The following SPHKAP variants were observed in gnomAD, a reference collection of about 807,000 sequenced individuals.
SPHKAP encodes SPHK1 interactor, AKAP domain containing.
Under a neutral mutation model 137.5 loss-of-function variants are expected in SPHKAP, and 67 were observed. That is an observed-to-expected ratio of 0.49 (90% CI 0.40 to 0.60). SPHKAP has a LOEUF of 0.60. Among genes scored for constraint, SPHKAP ranks in the 20% least tolerant of loss-of-function variants. The pLI is 0.00. For missense variants in SPHKAP, 2,097 were observed against 2,069.3 expected, an observed-to-expected ratio of 1.01 and a Z score of -0.26; for synonymous variants, 813 against 785.3, an observed-to-expected ratio of 1.04 and a Z score of -0.59.
At chr2:228,114,000 AG>A (rs903398464) in intron 2 of SPHKAP, among the ~76,000 whole-genome samples, 1 of 152,186 alleles carries the variant, frequency 6.6e-6, no homozygotes, top group African/African-American at 2.4e-5. Flanking sequence ...GAATGCTTGA[AG>A]GAAGAATATG....
intron 7 of SPHKAP, among the ~76,000 whole-genome samples, chr2:228,010,806 C>T (rs181873839): frequency 2.4e-4 from 36 of 152,140 alleles, no homozygotes; most frequent in African/African-American, 7.5e-4. Flanking sequence ...TTTTGTATGT[C>T]TCATTTTTTC....
chr2:228,027,689 CG>C, intron 3 of SPHKAP, 146 bp from the exon 4 acceptor site: 1 of 812,116 alleles, frequency 1.2e-6, no homozygotes, highest in Non-Finnish European at 1.9e-6. Context: ...CATTTCAGGG[CG>C]GGCGCAGTGG....
chr2:228,089,583 T>G (rs954971187), intron 3 of SPHKAP, among the ~76,000 whole-genome samples: 10 of 152,172 alleles, frequency 6.6e-5, no homozygotes, highest in African/African-American at 1.9e-4. Context: ...AAAAAATGCC[T>G]TGAAGCAATT....
At chr2:227,995,392 T>G (rs1222488110) in intron 8 of SPHKAP, 117 bp downstream of exon 8, 1 of 1,306,010 alleles carries the variant, frequency 7.7e-7, no homozygotes, top group Non-Finnish European at 1.1e-6. Context: ...GAACTTTCCT[T>G]TTTTTGTTCT....
chr2:228,150,667 C>G (rs1016497045), intron 1 of SPHKAP, among the ~76,000 whole-genome samples: 2 of 151,346 alleles, frequency 1.3e-5, no homozygotes, highest in Non-Finnish European at 2.9e-5. Flanking sequence ...TTCTACCCCT[C>G]TTTTAAAATT....
At chr2:228,121,725 A>G (rs1177168434) in intron 2 of SPHKAP, among the ~76,000 whole-genome samples, 1 of 152,182 alleles carries the variant, frequency 6.6e-6, no homozygotes, top group East Asian at 1.9e-4. Context: ...CTCAAAAGGC[A>G]GAGATGTGCC....
intron 1 of SPHKAP, among the ~76,000 whole-genome samples, chr2:228,154,223 T>C (rs1700024916): frequency 6.6e-6 from 1 of 151,892 alleles, no homozygotes; most frequent in Admixed American, 6.6e-5. Flanking sequence ...ACTGTAATGT[T>C]TAAAGACATT....
At chr2:228,080,607 T>C (rs1697330521) in intron 3 of SPHKAP, among the ~76,000 whole-genome samples, 1 of 152,082 alleles carries the variant, frequency 6.6e-6, no homozygotes, top group African/African-American at 2.4e-5. Context: ...CTCAGGAGGC[T>C]GAGGCAGGAG....
chr2:228,157,827 A>G (rs1700150838), intron 1 of SPHKAP, among the ~76,000 whole-genome samples: 1 of 152,192 alleles, frequency 6.6e-6, no homozygotes, highest in African/African-American at 2.4e-5. Flanking sequence ...TTAGGTGGCC[A>G]CAGAGGTGTA....
intron 11 of SPHKAP, among the ~76,000 whole-genome samples, chr2:227,990,398 A>C (rs1693370880): frequency 6.6e-6 from 1 of 152,176 alleles, no homozygotes; most frequent in Non-Finnish European, 1.5e-5. Context: ...ACATTGGGAG[A>C]CAGATTCATG....
At chr2:227,994,314 A>G (rs1693541398) in intron 8 of SPHKAP, among the ~76,000 whole-genome samples, 1 of 152,204 alleles carries the variant, frequency 6.6e-6, no homozygotes, top group East Asian at 1.9e-4. Flanking sequence ...CACAGTCAAC[A>G]TATGGTCTAG....
At chr2:228,079,447 C>T (rs912619808) in intron 3 of SPHKAP, among the ~76,000 whole-genome samples, 2 of 152,182 alleles carry the variant, frequency 1.3e-5, no homozygotes, top group Non-Finnish European at 2.9e-5. Flanking sequence ...CTCCAGTAGA[C>T]CCTAGTGGCA....
intron 2 of SPHKAP, among the ~76,000 whole-genome samples, chr2:228,122,607 T>C (rs965486179): frequency 6.6e-6 from 1 of 152,206 alleles, no homozygotes; most frequent in Admixed American, 6.5e-5. Context: ...GAGGATGAGC[T>C]GTCCATGCAA....
Position 228,131,965 on chromosome 2 carries a change from G to T in SPHKAP, c.138+15C>A. ...GTTCAACTGACAAGAAGAAAGTGGC[G>T]TAAGGCAAGGTTACCTTCTTACAGG... On this transcript the variant is annotated intron_variant, in intron 2 of 11. Transcript: ENST00000392056. 1.2e-5 allele frequency: 20 copies of T among 1,611,564 alleles called. No individual in the cohort carries two copies. Among genetic ancestry groups the T allele is most frequent in the Non-Finnish European group, 1.6e-5 (19 of 1,177,980 alleles).
rs765206303 is a variant in SPHKAP at position 228,020,144 on chromosome 2, A to G, written c.710T>C (p.Ile237Thr). The change falls in exon 7 of 12, where the codon ATA (isoleucine) becomes ACA (threonine). Residue 237 changes from isoleucine to threonine, a missense_variant. By Grantham distance (89) the Ile-to-Thr change is moderately conservative. Transcript: ENST00000392056. Reference sequence around the variant, plus strand: ...TTCCAAAACATTGGCTGAGACATTTATATTTTCATAATCTAGTGAGGAGAA... The same window carrying G: ...TTCCAAAACATTGGCTGAGACATTTGTATTTTCATAATCTAGTGAGGAGAA... ...VDESRNDYEN[I>T]NVSANVLESK... 3.8e-5 allele frequency: 60 copies of G among 1,599,140 alleles called. No individual in the cohort carries two copies. Among genetic ancestry groups the G allele is most frequent in the Non-Finnish European group, 4.9e-5 (58 of 1,174,956 alleles).
At chr2:228,116,003 G>T (rs774129448) in intron 2 of SPHKAP, among the ~76,000 whole-genome samples, 6 of 152,234 alleles carry the variant, frequency 3.9e-5, no homozygotes, top group Middle Eastern at 3.4e-3. Flanking sequence ...TGGCAAAAAG[G>T]CACCATCTAT....
In SPHKAP at chr2:227,991,117, G is replaced by A; in HGVS notation, c.4842C>T (p.Asp1614=). 6.2e-7 allele frequency: 1 copy of A among 1,614,076 alleles called. No homozygotes were observed. Among genetic ancestry groups the A allele is most frequent in the Non-Finnish European group, 8.5e-7 (1 of 1,180,008 alleles). Residue 1614 remains aspartate (D), a synonymous_variant, in exon 11 of 12, where the codon GAC becomes GAT. Transcript: ENST00000392056. ...PQRSLLVINF[D]LEPECPDAEL... ...CGGCATCTGGACACTCTGGCTCCAG[G>A]TCAAAGTTGATCACCAGCAGGCTCC... is the stretch of plus-strand genomic sequence containing the variant.
chr2:228,031,928 T>C (rs2106240154), intron 3 of SPHKAP, among the ~76,000 whole-genome samples: 1 of 151,790 alleles, frequency 6.6e-6, no homozygotes, highest in East Asian at 1.9e-4. Context: ...GCCACAAAGA[T>C]GGGGAAAAAA....
At chr2:228,064,585 ATTTACGTTACCTTTC>A (rs1158868311) in intron 3 of SPHKAP, among the ~76,000 whole-genome samples, 1 of 152,188 alleles carries the variant, frequency 6.6e-6, no homozygotes, top group Non-Finnish European at 1.5e-5. Flanking sequence ...CGTATCAGTC[ATTTACGTTACCTTTC>A]TTGCCCCTGT....
Sources: gnomAD v4.1 joint callset for allele counts (sites outside exome capture counted in the v4.1 genomes callset) on GRCh38, gnomAD v4.1.1 for gene constraint, MANE v1.5 for transcripts, NCBI Gene and HGNC (gene_info 2026-07-23, HGNC 2026-07-21) for gene names.